The following LRRC4C variants were observed in gnomAD, a reference collection of about 807,000 sequenced individuals.
The protein encoded by LRRC4C is leucine-rich repeat-containing protein 4C.
In LRRC4C, 5 loss-of-function variants were observed where a neutral mutation model predicts 33.6. The ratio of observed to expected loss-of-function variants is 0.15; its 90% CI spans 0.08 to 0.31. LRRC4C has a LOEUF of 0.31. Ranked by LOEUF, LRRC4C falls within the 10% of genes least tolerant of loss-of-function variation. LRRC4C has a pLI of 1.00. For missense variants in LRRC4C, 560 were observed against 796.7 expected (o/e 0.70, Z 3.58); for synonymous variants, 329 against 302.0 (o/e 1.09, Z -0.93).
chr11:40,444,676 C>T (rs1420644156), intron 3 of LRRC4C, among the ~76,000 whole-genome samples: 2 of 152,026 alleles, frequency 1.3e-5, no homozygotes, highest in Non-Finnish European at 2.9e-5. Context: ...CTGGCATTTC[C>T]AATGTGCTGC....
chr11:40,770,247 C>T (rs945820017), intron 2 of LRRC4C, among the ~76,000 whole-genome samples: 1 of 152,118 alleles, frequency 6.6e-6, no homozygotes, highest in Admixed American at 6.5e-5. Flanking sequence ...GGGAAGCAAA[C>T]ACATGCTTTT....
chr11:41,172,826 G>T, intron 1 of LRRC4C, among the ~76,000 whole-genome samples: 1 of 152,058 alleles, frequency 6.6e-6, no homozygotes, highest in East Asian at 1.9e-4. Context: ...CTATGCTATA[G>T]TCTAAGAAAA....
At chr11:40,615,673 T>C (rs1961734366) in intron 3 of LRRC4C, among the ~76,000 whole-genome samples, 1 of 151,734 alleles carries the variant, frequency 6.6e-6, no homozygotes, top group African/African-American at 2.4e-5. Flanking sequence ...ACAGAATCTA[T>C]TAAAATTCGC....
In LRRC4C at chr11:41,227,473, G is replaced by A. The variant is rs544154959; in HGVS notation, c.-496+231958C>T. Among the ~76,000 whole-genome samples the A allele has an allele frequency of 5.9e-5, 9 of 152,066 alleles. No homozygotes were observed. In the South Asian group the frequency reaches 1.9e-3, roughly 32 times the overall value. ...CGGTTGCAACCAACAAAACACACCT[G>A]CTCAAAGATTTAACAAATATTTACA... On this transcript the variant is annotated intron_variant, in intron 1 of 6. Coordinates refer to ENST00000528697, the MANE Select transcript of LRRC4C (RefSeq NM_001258419.2).
intron 1 of LRRC4C, among the ~76,000 whole-genome samples, chr11:41,187,726 C>A (rs186256245): frequency 2.6e-4 from 39 of 152,300 alleles, no homozygotes; most frequent in African/African-American, 9.1e-4. Context: ...TAAAAGAGCA[C>A]CCTGTAACTT....
intron 2 of LRRC4C, among the ~76,000 whole-genome samples, chr11:40,730,263 A>T (rs181416863): frequency 1.6e-4 from 24 of 151,872 alleles, no homozygotes; most frequent in East Asian, 1.2e-3. Context: ...TTAAAAAAAT[A>T]AAAAAAAACT....
intron 3 of LRRC4C, among the ~76,000 whole-genome samples, chr11:40,632,235 G>A (rs1963534266): frequency 6.6e-6 from 1 of 152,176 alleles, no homozygotes; most frequent in Non-Finnish European, 1.5e-5. Context: ...GAAAAAGCTG[G>A]CCCAGACTCA....
chr11:40,187,962 G>A (rs888683126), intron 5 of LRRC4C, among the ~76,000 whole-genome samples: 40 of 152,148 alleles, frequency 2.6e-4, no homozygotes, highest in African/African-American at 6.3e-4. Context: ...GGGGGTTAGC[G>A]GAAGGACAGA....
rs557125240 is a variant in LRRC4C at position 40,368,209 on chromosome 11, C to T, written c.-269-48488G>A. ...AAGAGAAATGAAAGAAAAATATAGG[C>T]TATGAGAGACTATTGGTGGCGATAC... is the stretch of plus-strand genomic sequence containing the variant. On this transcript the variant is annotated intron_variant, in intron 3 of 6. Coordinates refer to ENST00000528697, the MANE Select transcript of LRRC4C (RefSeq NM_001258419.2). Among the ~76,000 whole-genome samples, 3 of 152,114 alleles carry T rather than the reference C, an allele frequency of 2.0e-5. No homozygotes were observed. In the East Asian group the frequency reaches 5.8e-4, roughly 29 times the overall value.
chr11:40,136,306 G>A (rs1320068693), intron 6 of LRRC4C, among the ~76,000 whole-genome samples: 3 of 151,428 alleles, frequency 2.0e-5, no homozygotes, highest in Non-Finnish European at 4.4e-5. Flanking sequence ...TCGCTCTGTC[G>A]CCCAGGCTGG....
intron 1 of LRRC4C, among the ~76,000 whole-genome samples, chr11:41,015,367 T>G (rs1287608999): frequency 6.6e-6 from 1 of 152,152 alleles, no homozygotes; most frequent in Non-Finnish European, 1.5e-5. Context: ...CTTGCTCTGT[T>G]GCCCAGGCTG....
intron 3 of LRRC4C, among the ~76,000 whole-genome samples, chr11:40,396,567 T>C (rs1432154948): frequency 6.6e-6 from 1 of 152,114 alleles, no homozygotes; most frequent in African/African-American, 2.4e-5. Flanking sequence ...AAGATAAAAG[T>C]AAAATTGATG....
At chr11:41,320,318 A>T (rs993178689) in intron 1 of LRRC4C, among the ~76,000 whole-genome samples, 4 of 152,228 alleles carry the variant, frequency 2.6e-5, no homozygotes, top group Non-Finnish European at 5.9e-5. Flanking sequence ...TGAAAGACAT[A>T]GAAGAAAGAA....
chr11:41,114,260 TATTA>T (rs1258723134), intron 1 of LRRC4C, among the ~76,000 whole-genome samples: 2 of 152,062 alleles, frequency 1.3e-5, no homozygotes, highest in Non-Finnish European at 2.9e-5. Context: ...ATCTGTTATT[TATTA>T]TTTATTTACT....
At chr11:40,629,105 T>C (rs1963235744) in intron 3 of LRRC4C, among the ~76,000 whole-genome samples, 1 of 152,234 alleles carries the variant, frequency 6.6e-6, no homozygotes, top group African/African-American at 2.4e-5. Flanking sequence ...AACATGTTTA[T>C]TATTTTGTAT....
At chr11:40,422,591 T>C (rs1950558691) in intron 3 of LRRC4C, among the ~76,000 whole-genome samples, 1 of 152,074 alleles carries the variant, frequency 6.6e-6, no homozygotes, top group Non-Finnish European at 1.5e-5. Flanking sequence ...TAAAAGAAGG[T>C]GAATAACAGA....
chr11:40,806,960 T>TA (rs886794254), intron 2 of LRRC4C, among the ~76,000 whole-genome samples: 7 of 151,452 alleles, frequency 4.6e-5, no homozygotes, highest in Middle Eastern at 3.4e-3. Context: ...TGAGTAGGAT[T>TA]AAAAAAAAAC....
intron 2 of LRRC4C, among the ~76,000 whole-genome samples, chr11:40,871,280 T>C (rs1954628731): frequency 1.3e-5 from 2 of 152,108 alleles, no homozygotes; most frequent in Admixed American, 1.3e-4. Context: ...TTGTGAAGCC[T>C]GTGATCTCTG....
chr11:40,501,804 G>C (rs558824998), intron 3 of LRRC4C, among the ~76,000 whole-genome samples: 1 of 152,132 alleles, frequency 6.6e-6, no homozygotes, highest in African/African-American at 2.4e-5. Flanking sequence ...ATTAACACTC[G>C]TCTCTGTGTT....
Sources: gnomAD v4.1 joint callset for allele counts (sites outside exome capture counted in the v4.1 genomes callset) on GRCh38, gnomAD v4.1.1 for gene constraint, MANE v1.5 for transcripts, NCBI Gene and HGNC (gene_info 2026-07-23, HGNC 2026-07-21) for gene names.